The following PANX3 variants were observed in gnomAD, a reference collection of about 807,000 sequenced individuals.
PANX3 encodes pannexin-3.
A neutral mutation model predicts 31.5 loss-of-function variants in PANX3; 18 were observed. The ratio of observed to expected loss-of-function variants is 0.57; its 90% CI spans 0.39 to 0.85. PANX3 has a LOEUF of 0.85. PANX3 is among the 40% of genes least tolerant of loss of function. The pLI is 0.00. For missense variants in PANX3, 426 were observed against 485.4 expected, an observed-to-expected ratio of 0.88 and a Z score of 1.15; for synonymous variants, 194 against 201.6, an observed-to-expected ratio of 0.96 and a Z score of 0.32.
chr11:124,613,206 T>A, intron 2 of PANX3, 84 bp downstream of exon 2: 2 of 1,491,744 alleles, frequency 1.3e-6, no homozygotes. Context: ...CTTGCCTCTA[T>A]CCCCACCACC....
intron 3 of PANX3, among the ~76,000 whole-genome samples, chr11:124,618,376 C>A (rs1266661917): frequency 6.6e-6 from 1 of 152,164 alleles, no homozygotes; most frequent in Non-Finnish European, 1.5e-5. Context: ...TGTTACCTCC[C>A]TCTCCTAACT....
intron 2 of PANX3, 89 bp downstream of exon 2, chr11:124,613,211 A>C: frequency 7.1e-7 from 1 of 1,406,034 alleles, no homozygotes; most frequent in Non-Finnish European, 9.4e-7. Flanking sequence ...CTCTATCCCC[A>C]CCACCCCTAA....
Position 124,611,687 on chromosome 11 carries a change from G to A in PANX3, c.131G>A (p.Gly44Asp). Residue 44 changes from glycine to aspartate, a missense_variant, in exon 1 of 4, where the codon GGC becomes GAC. Coordinates refer to ENST00000284288, the MANE Select transcript of PANX3 (RefSeq NM_052959.3). ...LDRIVKFVAV[G>D]SPLLLMSLAF... The stretch of plus-strand genomic sequence containing the variant: ...CGGATAGTCAAGTTCGTAGCTGTGG[G>A]CTCCCCCTTGTTGCTGATGTCCCTG... The A allele has an allele frequency of 6.2e-7, 1 of 1,614,140 alleles. No homozygotes were observed. The highest frequency in any genetic ancestry group is 1.6e-4 in the Middle Eastern group (1 of 6,062).
chr11:124,618,711 C>A (rs1163613197), intron 3 of PANX3, among the ~76,000 whole-genome samples: 1 of 152,180 alleles, frequency 6.6e-6, no homozygotes, highest in Non-Finnish European at 1.5e-5. Flanking sequence ...GTGGCACGAT[C>A]TTGGCTCATT....
In PANX3 at chr11:124,616,184, C is replaced by T. The variant is rs1230231784; in HGVS notation, c.325-1090C>T. ...AAACCAAGCACCACCAACTGGGTGG[C>T]TTCAACAATCAAAATTATCGTCTCA... On this transcript the variant is annotated intron_variant, in intron 2 of 3. Transcript: ENST00000284288. This position sits in a 1 kb window ranked among gnomAD's most constrained non-coding sequence, Gnocchi z 4.8. Among the ~76,000 whole-genome samples the T allele has an allele frequency of 1.3e-5, 2 of 152,092 alleles. No individual in the cohort carries two copies. Among genetic ancestry groups the T allele is most frequent in the Admixed American group, 1.3e-4 (2 of 15,260 alleles).
chr11:124,612,428 G>T (rs1175345685), intron 1 of PANX3, among the ~76,000 whole-genome samples: 1 of 152,128 alleles, frequency 6.6e-6, no homozygotes, highest in East Asian at 1.9e-4. Flanking sequence ...TCCCAAACAG[G>T]TGTGCCAGCC....
In PANX3 at chr11:124,617,033, G is replaced by A. The variant is rs937218217; in HGVS notation, c.325-241G>A. Among the ~76,000 whole-genome samples, 29 of 146,742 alleles carry A rather than the reference G, an allele frequency of 2.0e-4. 1 individual carries two copies. Among genetic ancestry groups the A allele is most frequent in the Admixed American group, 6.8e-5 (1 of 14,658 alleles). ...TCTCTTCTCCCTGGGACCCCACACA[G>A]ACCCTGGATCAGAAAAGTGAACCAG... On this transcript the variant is annotated intron_variant, in intron 2 of 3. Coordinates refer to ENST00000284288, the MANE Select transcript of PANX3 (RefSeq NM_052959.3).
rs199877978 is a variant in PANX3, at chr11:124,613,035, C to T, written c.237C>T (p.Tyr79=). The change falls in exon 2 of 4, where the codon TAC becomes TAT. Residue 79 remains tyrosine (Y), a synonymous_variant. Transcript: ENST00000284288. ...ACTTCAGCATCCGGCAGGCAGCCTA[C>T]GTGGACAGCTCCTGCTGGGACTCAC... is the stretch of plus-strand genomic sequence containing the variant. ...PSNFSIRQAA[Y]VDSSCWDSLL... is the part of the protein sequence containing the mutation. 3.7e-5 allele frequency: 59 copies of T among 1,614,166 alleles called. No homozygotes were observed. Among genetic ancestry groups the T allele is most frequent in the Non-Finnish European group, 4.5e-5 (53 of 1,180,026 alleles).
chr11:124,612,917 GC>G, intron 1 of PANX3, 62 bp from the exon 2 acceptor site: 1 of 1,581,608 alleles, frequency 6.3e-7, no homozygotes, highest in Non-Finnish European at 8.6e-7. Context: ...TTAGATGATT[GC>G]CCCTGAGTCC....
chr11:124,614,347 A>G (rs1430771717), intron 2 of PANX3, among the ~76,000 whole-genome samples: 2 of 152,116 alleles, frequency 1.3e-5, no homozygotes, highest in African/African-American at 4.8e-5. Context: ...GGCTCACTGC[A>G]ACCTCTGCCT....
chr11:124,613,562 C>T (rs977542138), intron 2 of PANX3, among the ~76,000 whole-genome samples: 1 of 152,016 alleles, frequency 6.6e-6, no homozygotes, highest in Non-Finnish European at 1.5e-5. Context: ...GCTGCTCCCC[C>T]TGTCCCAGCA....
In PANX3 at chr11:124,620,047, C is replaced by A; in HGVS notation, c.*112C>A. 3 of 1,172,998 alleles carry A rather than the reference C, an allele frequency of 2.6e-6. No individual in the cohort carries two copies. The highest frequency in any genetic ancestry group is 2.4e-6 in the Non-Finnish European group (2 of 837,210). 72.7% of individuals were successfully genotyped at this position (1,172,998 alleles called of 1,614,324 possible). On this transcript the variant is annotated 3_prime_UTR_variant, in exon 4 of 4. Transcript: ENST00000284288. ...AATTACACATTTTAAAACTGCTAAG[C>A]TTGGATTTAACTGAATCATATATCT...
chr11:124,613,567 C>G (rs949545401), intron 2 of PANX3, among the ~76,000 whole-genome samples: 1 of 152,136 alleles, frequency 6.6e-6, no homozygotes, highest in Non-Finnish European at 1.5e-5. Flanking sequence ...TCCCCCTGTC[C>G]CAGCACGGCT....
rs1863199053 is a variant in PANX3 at position 124,620,021 on chromosome 11, A to G, written c.*86A>G. On this transcript the variant is annotated 3_prime_UTR_variant, in exon 4 of 4. Transcript: ENST00000284288. ...CACACTAATACACATACACACCAAA[A>G]AATTACACATTTTAAAACTGCTAAG... is the stretch of plus-strand genomic sequence containing the variant. 6.5e-6 allele frequency: 9 copies of G among 1,382,480 alleles called. No individual in the cohort carries two copies. Among genetic ancestry groups the G allele is most frequent in the Non-Finnish European group, 8.8e-6 (9 of 1,020,034 alleles). 85.6% of individuals were successfully genotyped at this position (1,382,480 alleles called of 1,614,324 possible). A position where few individuals can be genotyped will look rare whatever the true frequency, so the allele number is the denominator to read the frequency against.
At chr11:124,613,221 A>C in intron 2 of PANX3, 99 bp downstream of exon 2, 3 of 1,369,872 alleles carry the variant, frequency 2.2e-6, no homozygotes, top group Admixed American at 2.6e-5. Context: ...ACCACCCCTA[A>C]CCCATTTATT....
In PANX3 at chr11:124,616,373, T is replaced by A. The variant is rs182587012; in HGVS notation, c.325-901T>A. 3.7e-3 allele frequency among the ~76,000 whole-genome samples: 556 copies of A among 151,766 alleles called. 1 individual carries two copies. The highest frequency in any genetic ancestry group is 0.01 in the Middle Eastern group (3 of 292). ...CTGCTTCTTTACCTGGCTTTTTTTT[T>A]AAAAAAGAAAAAAAAGAACATCAGT... is the stretch of plus-strand genomic sequence containing the variant. On this transcript the variant is annotated intron_variant, in intron 2 of 3. Transcript: ENST00000284288. The surrounding 1 kb of genome is among the most constrained non-coding windows in gnomAD (Gnocchi z 4.8).
Position 124,617,429 on chromosome 11 carries a change from C to T in PANX3, c.480C>T (p.His160=). 1 of 1,614,258 alleles carries T rather than the reference C, an allele frequency of 6.2e-7. No homozygotes were observed. Among genetic ancestry groups the T allele is most frequent in the Non-Finnish European group, 8.5e-7 (1 of 1,180,054 alleles). The change falls in exon 3 of 4, where the codon CAC becomes CAT. Residue 160 remains histidine, a synonymous_variant. Coordinates refer to ENST00000284288, the MANE Select transcript of PANX3 (RefSeq NM_052959.3). ...SYNRSIRLVQ[H]MLKIRQKSSD... ...ATCGCTCCATCCGCCTCGTGCAGCA[C>T]ATGCTGAAGATCCGGCAGAAGAGTT...
At chr11:124,612,224 A>G (rs977949019) in intron 1 of PANX3, among the ~76,000 whole-genome samples, 3 of 152,132 alleles carry the variant, frequency 2.0e-5, no homozygotes, top group African/African-American at 7.2e-5. Context: ...CACATTGGAG[A>G]TGCTGCATAA....
At chr11:124,614,167 TAA>T (rs71042444) in intron 2 of PANX3, among the ~76,000 whole-genome samples, 1,907 of 73,478 alleles carry the variant, frequency 0.026, 38 homozygotes, top group African/African-American at 0.073. Context: ...ATCTAAATGG[TAA>T]AAAAAAAAAA....
Sources: allele counts gnomAD v4.1 joint callset (sites outside exome capture counted in the v4.1 genomes callset), GRCh38; gene constraint gnomAD v4.1.1; non-coding constraint Gnocchi (gnomAD v3.1); transcripts MANE v1.5; gene names NCBI Gene and HGNC (gene_info 2026-07-23, HGNC 2026-07-21).